Variants in HS6ST1 observed in about 807,000 individuals in gnomAD.
HS6ST1 encodes the protein heparan-sulfate 6-O-sulfotransferase 1.
HS6ST1 carries 3 observed loss-of-function variants against 25.2 expected under a neutral mutation model. That is an observed-to-expected ratio of 0.12 (90% CI 0.05 to 0.31). HS6ST1 has a LOEUF of 0.31. HS6ST1 is among the 10% of genes least tolerant of loss of function. The probability of loss-of-function intolerance (pLI) is 1.00; values close to 1 mark genes in which losing one functional copy is unlikely to be tolerated. For missense variants in HS6ST1, 310 were observed against 609.6 expected (o/e 0.51, Z 5.18); for synonymous variants, 204 against 275.1 (o/e 0.74, Z 2.56).
intron 1 of HS6ST1, among the ~76,000 whole-genome samples, chr2:128,286,930 C>T (rs1483930177): frequency 6.6e-6 from 1 of 152,146 alleles, no homozygotes; most frequent in African/African-American, 2.4e-5. Context: ...GGAGGCCCCT[C>T]TGAATGCCTC....
At position 128,307,033 on chromosome 2, in the gene HS6ST1, G is replaced by C. The variant is rs1992937; in HGVS notation, c.527+11004C>G. ...CCAGATTTTCACTGGGAGTTGGGGT[G>C]GGGGGGTCCCTGTGACTTCAGAGCC... On this transcript the variant is annotated intron_variant, in intron 1 of 1. Coordinates refer to ENST00000259241, the MANE Select transcript of HS6ST1 (RefSeq NM_004807.3). Among the ~76,000 whole-genome samples, 1,012 of 152,170 alleles carry C rather than the reference G, an allele frequency of 6.7e-3. 12 individuals carry two copies. Among genetic ancestry groups the C allele is most frequent in the African/African-American group, 0.023 (970 of 41,496 alleles).
rs1051303150 is a variant in HS6ST1, at chr2:128,265,774, G to A, written c.*2388C>T. 6.6e-6 allele frequency: 1 copy of A among 152,158 alleles called. No homozygotes were observed. Among genetic ancestry groups the A allele is most frequent in the Non-Finnish European group, 1.5e-5 (1 of 68,042 alleles). The allele number at this position is 152,158 out of a possible 1,614,324, so 9.4% of individuals were successfully genotyped here. On this transcript the variant is annotated 3_prime_UTR_variant, in exon 2 of 2. Coordinates refer to ENST00000259241, the MANE Select transcript of HS6ST1 (RefSeq NM_004807.3). ...GACGTTTGCAGGTCTGGGGGTCCTG[G>A]TGACTAAGCTGTTAGCTCCACTCCC...
intron 1 of HS6ST1, among the ~76,000 whole-genome samples, chr2:128,292,310 G>A (rs1306987297): frequency 6.6e-6 from 1 of 152,238 alleles, no homozygotes; most frequent in African/African-American, 2.4e-5. Flanking sequence ...ACCCTGGCTT[G>A]GAGCGGCTTT....
At chr2:128,287,652 G>A (rs1055455573) in intron 1 of HS6ST1, among the ~76,000 whole-genome samples, 15 of 152,254 alleles carry the variant, frequency 9.9e-5, no homozygotes, top group Non-Finnish European at 5.9e-5. Context: ...TCAATGAGGG[G>A]AGAACAGGCG....
intron 1 of HS6ST1, among the ~76,000 whole-genome samples, chr2:128,270,238 T>C (rs1286724153): frequency 6.6e-6 from 1 of 152,144 alleles, no homozygotes; most frequent in Non-Finnish European, 1.5e-5. Context: ...CTGGAGGAGC[T>C]CTCAGCAGAT....
Position 128,296,641 on chromosome 2 carries a change from TAGG to T in HS6ST1, c.527+21393_527+21395del, listed in dbSNP as rs199963918. On this transcript the variant is annotated intron_variant, in intron 1 of 1. Coordinates refer to ENST00000259241, the MANE Select transcript of HS6ST1 (RefSeq NM_004807.3). ...TTGGCATCAGAAAGTGTAAAATATTTAGGAGGAGACTTAACCAATGAAGTGAAA... is the reference window on the plus strand; with the variant it reads ...TTGGCATCAGAAAGTGTAAAATATTTAGGAGACTTAACCAATGAAGTGAAA... Among the ~76,000 whole-genome samples, 86 of 152,322 alleles carry T rather than the reference TAGG, an allele frequency of 5.6e-4. No homozygotes were observed. In the East Asian group the frequency reaches 0.012, roughly 22 times the overall value.
At chr2:128,285,410 C>A (rs1318856753) in intron 1 of HS6ST1, among the ~76,000 whole-genome samples, 1 of 152,334 alleles carries the variant, frequency 6.6e-6, no homozygotes, top group Admixed American at 6.5e-5. Context: ...TGGGGCCCAA[C>A]AACGTGAGGC....
At chr2:128,277,384 G>A (rs887021489) in intron 1 of HS6ST1, among the ~76,000 whole-genome samples, 1 of 152,220 alleles carries the variant, frequency 6.6e-6, no homozygotes, top group African/African-American at 2.4e-5. Context: ...AGGGCTCCCA[G>A]CGTTCACCCC....
At chr2:128,269,059 CATGGCTACCCAGG>C (rs1433216822) in intron 1 of HS6ST1, among the ~76,000 whole-genome samples, 189 bp from the exon 2 acceptor site, 1 of 152,258 alleles carries the variant, frequency 6.6e-6, no homozygotes, top group African/African-American at 2.4e-5. Flanking sequence ...GCCACGGTCA[CATGGCTACCCAGG>C]ATGACCACCA....
rs951118095 is a variant in HS6ST1, at chr2:128,267,208, G to A, written c.*954C>T. ...ATTTGAGCTCTTGAGTATGTGTTTCGGTGATGGGGCTGGGGCAGCCTGCTA... is the reference window on the plus strand; with the variant it reads ...ATTTGAGCTCTTGAGTATGTGTTTCAGTGATGGGGCTGGGGCAGCCTGCTA... On this transcript the variant is annotated 3_prime_UTR_variant, in exon 2 of 2. Transcript: ENST00000259241. The A allele has an allele frequency of 1.3e-5, 2 of 152,098 alleles. No homozygotes were observed. The highest frequency in any genetic ancestry group is 2.4e-5 in the African/African-American group (1 of 41,380). The allele number at this position is 152,098 out of a possible 1,614,324, so 9.4% of individuals were successfully genotyped here. A position where few individuals can be genotyped will look rare whatever the true frequency, so the allele number is the denominator to read the frequency against.
At chr2:128,297,192 T>C in intron 1 of HS6ST1, among the ~76,000 whole-genome samples, 1 of 152,200 alleles carries the variant, frequency 6.6e-6, no homozygotes, top group East Asian at 1.9e-4. Context: ...AAGATAGGCA[T>C]ATAGACCAAT....
intron 1 of HS6ST1, among the ~76,000 whole-genome samples, chr2:128,295,365 C>A (rs905875665): frequency 8.5e-5 from 13 of 152,254 alleles, no homozygotes; most frequent in Non-Finnish European, 1.8e-4. Context: ...GGCCACACAG[C>A]TAGGCAGCTG....
chr2:128,313,511 C>T (rs903397005), intron 1 of HS6ST1, among the ~76,000 whole-genome samples: 1 of 152,200 alleles, frequency 6.6e-6, no homozygotes, highest in Non-Finnish European at 1.5e-5. Flanking sequence ...CTGCCTCATA[C>T]TTTCCTCCCA....
intron 1 of HS6ST1, chr2:128,289,879 A>C (rs1036848764): frequency 1.3e-5 from 2 of 152,244 alleles, no homozygotes; most frequent in African/African-American, 4.8e-5. Context: ...TTATTTGTAT[A>C]AAATGTCCAA....
At position 128,318,080 on chromosome 2, in the gene HS6ST1, C is replaced by G. The variant is rs1170181074; in HGVS notation, c.484G>C (p.Gly162Arg). 2 of 1,529,038 alleles carry G rather than the reference C, an allele frequency of 1.3e-6. No homozygotes were observed. The highest frequency in any genetic ancestry group is 8.8e-7 in the Non-Finnish European group (1 of 1,141,192). 94.7% of individuals were successfully genotyped at this position (1,529,038 alleles called of 1,614,324 possible). ...GCGGAGTCGCGGCGGTCCAGCACGCCGGGCACGCAGTTGGTGAGCTCGGTC... is the reference window on the plus strand; with the variant it reads ...GCGGAGTCGCGGCGGTCCAGCACGCGGGGCACGCAGTTGGTGAGCTCGGTC... ...DWTELTNCVP[G>R]VLDRRDSAAL... Residue 162 changes from glycine to arginine, a missense_variant, in exon 1 of 2, where the codon GGC (glycine) becomes CGC (arginine). Gly to Arg is a moderately radical substitution (Grantham distance 125). Coordinates refer to ENST00000259241, the MANE Select transcript of HS6ST1 (RefSeq NM_004807.3). The surrounding 1 kb of genome is among the most constrained non-coding windows in gnomAD (Gnocchi z 5.7).
At chr2:128,315,585 C>T (rs985385607) in intron 1 of HS6ST1, among the ~76,000 whole-genome samples, 14 of 152,184 alleles carry the variant, frequency 9.2e-5, no homozygotes, top group African/African-American at 3.4e-4. Flanking sequence ...AGTCTCCTGA[C>T]ACCAAGCCCA....
chr2:128,288,316 C>T (rs1020799409), intron 1 of HS6ST1, among the ~76,000 whole-genome samples: 5 of 152,128 alleles, frequency 3.3e-5, no homozygotes, highest in South Asian at 2.1e-4. Flanking sequence ...CAGGTCCTGC[C>T]GGGGTGTGCA....
chr2:128,316,061 C>T (rs1694358520), intron 1 of HS6ST1, among the ~76,000 whole-genome samples: 1 of 152,250 alleles, frequency 6.6e-6, no homozygotes, highest in African/African-American at 2.4e-5. Context: ...CTGCGTTTTC[C>T]ATTCTTGCTC....
rs1332988919 is a variant in HS6ST1, at chr2:128,268,605, G to A, written c.793C>T (p.Leu265=). ...ADLSLVGCYN[L]SFIPEGKRAQ... ...CGCTTGCCCTCGGGGATGAAGGACA[G>A]GTTGTAGCAGCCCACCAGGCTCAGG... The change falls in exon 2 of 2, where the codon CTG becomes TTG. Residue 265 remains leucine (L), a synonymous_variant. Coordinates refer to ENST00000259241, the MANE Select transcript of HS6ST1 (RefSeq NM_004807.3). The A allele has an allele frequency of 1.2e-6, 2 of 1,607,416 alleles. No individual in the cohort carries two copies. Among genetic ancestry groups the A allele is most frequent in the African/African-American group, 1.3e-5 (1 of 74,812 alleles).
Sources: gnomAD v4.1 joint callset for allele counts (sites outside exome capture counted in the v4.1 genomes callset) on GRCh38, gnomAD v4.1.1 for gene constraint, Gnocchi (gnomAD v3.1) non-coding constraint, MANE v1.5 for transcripts, NCBI Gene and HGNC (gene_info 2026-07-23, HGNC 2026-07-21) for gene names.